The following CDC42BPA variants were observed in gnomAD, a reference collection of about 807,000 sequenced individuals.
CDC42BPA encodes CDC42 binding protein kinase alpha.
In CDC42BPA, 80 loss-of-function variants were observed where a neutral mutation model predicts 223.5. That is an observed-to-expected ratio of 0.36 (90% CI 0.30 to 0.43). The LOEUF is 0.43. CDC42BPA is among the 20% of genes least tolerant of loss of function. The pLI is 1.00. For missense variants in CDC42BPA, 1,743 were observed against 2,099.9 expected (o/e 0.83, Z 3.32); for synonymous variants, 694 against 718.6 (o/e 0.97, Z 0.55).
chr1:227,275,313 G>A (rs1157839688), intron 1 of CDC42BPA, among the ~76,000 whole-genome samples: 1 of 151,770 alleles, frequency 6.6e-6, no homozygotes, highest in Non-Finnish European at 1.5e-5. Context: ...TGCAACTAAG[G>A]TGGTATTTAG....
intron 3 of CDC42BPA, among the ~76,000 whole-genome samples, chr1:227,212,474 C>T (rs1674095909): frequency 6.6e-6 from 1 of 152,112 alleles, no homozygotes; most frequent in Non-Finnish European, 1.5e-5. Flanking sequence ...TTCCCTGAAG[C>T]CCCAGAATGC....
intron 1 of CDC42BPA, among the ~76,000 whole-genome samples, chr1:227,276,391 G>A (rs148293079): frequency 0.098 from 14,778 of 151,058 alleles, 1,148 homozygotes; most frequent in East Asian, 0.36. Context: ...CCCAGCAGCC[G>A]CCCCGTCTGG....
intron 2 of CDC42BPA, among the ~76,000 whole-genome samples, chr1:227,233,341 T>C (rs1291119398): frequency 6.6e-6 from 1 of 152,100 alleles, no homozygotes; most frequent in Non-Finnish European, 1.5e-5. Flanking sequence ...CCGGCCTCTA[T>C]TTCTTTTCTT....
At chr1:227,019,880 C>T (rs374252568) in intron 32 of CDC42BPA, among the ~76,000 whole-genome samples, 3 of 151,982 alleles carry the variant, frequency 2.0e-5, no homozygotes, top group South Asian at 2.1e-4. Context: ...AAAATACAGG[C>T]AGAGTAGAGT....
At chr1:227,203,685 T>C (rs981779901) in intron 3 of CDC42BPA, among the ~76,000 whole-genome samples, 7 of 152,220 alleles carry the variant, frequency 4.6e-5, no homozygotes, top group Non-Finnish European at 7.3e-5. Context: ...ATTCACTCAC[T>C]TTCTCAACCA....
chr1:226,994,104 G>GGA lies in CDC42BPA; in HGVS notation c.*162_*163dup. 1.7e-6 allele frequency: 1 copy of GGA among 584,352 alleles called. No homozygotes were observed. Among genetic ancestry groups the GGA allele is most frequent in the Non-Finnish European group, 3.0e-6 (1 of 334,196 alleles). The allele number at this position is 584,352 out of a possible 1,614,324, so 36.2% of individuals were successfully genotyped here. The stretch of plus-strand genomic sequence containing the variant: ...GTTGTTGCTGTTAGGCTGGGGGCGT[G>GGA]GATCTGAGAGTCGTGTCGTCAGAAC... On this transcript the variant is annotated 3_prime_UTR_variant, in exon 37 of 37. Transcript: ENST00000366766. The surrounding 1 kb of genome is among the most constrained non-coding windows in gnomAD (Gnocchi z 4.0).
intron 5 of CDC42BPA, among the ~76,000 whole-genome samples, chr1:227,176,396 G>T (rs962855709): frequency 6.6e-6 from 1 of 151,984 alleles, no homozygotes; most frequent in South Asian, 2.1e-4. Context: ...TAATCATTCT[G>T]TTTCATTTCA....
chr1:227,231,192 G>A (rs1265268096), intron 2 of CDC42BPA, among the ~76,000 whole-genome samples: 2 of 127,384 alleles, frequency 1.6e-5, no homozygotes, highest in East Asian at 4.9e-4. Flanking sequence ...GTGTCCAAGC[G>A]TTCTCGTTGT....
intron 15 of CDC42BPA, among the ~76,000 whole-genome samples, chr1:227,098,443 G>A (rs756776183): frequency 3.2e-4 from 49 of 151,924 alleles, no homozygotes; most frequent in Non-Finnish European, 6.8e-4. Flanking sequence ...CATCTCAACT[G>A]TAACTGTTTA....
At chr1:227,228,624 G>T (rs1017072284) in intron 2 of CDC42BPA, among the ~76,000 whole-genome samples, 3 of 152,044 alleles carry the variant, frequency 2.0e-5, no homozygotes, top group African/African-American at 4.8e-5. Context: ...TTACAAAGTG[G>T]TTACACTATT....
At chr1:227,172,192 A>C (rs1666216885) in intron 5 of CDC42BPA, among the ~76,000 whole-genome samples, 1 of 152,236 alleles carries the variant, frequency 6.6e-6, no homozygotes. Context: ...TCTGTCAGTC[A>C]GAAATTAGAA....
intron 1 of CDC42BPA, among the ~76,000 whole-genome samples, chr1:227,280,835 C>A (rs764389120): frequency 3.3e-5 from 5 of 152,182 alleles, no homozygotes; most frequent in African/African-American, 4.8e-5. Context: ...ATTGTTTTAG[C>A]TGAGACAGAG....
chr1:227,036,749 G>C (rs1670355257), intron 24 of CDC42BPA, among the ~76,000 whole-genome samples: 1 of 152,124 alleles, frequency 6.6e-6, no homozygotes, highest in Non-Finnish European at 1.5e-5. Flanking sequence ...GTTTTAAGTG[G>C]AGTATCTAGC....
chr1:227,062,311 T>C (rs1676082781), intron 21 of CDC42BPA, among the ~76,000 whole-genome samples: 1 of 152,242 alleles, frequency 6.6e-6, no homozygotes, highest in Non-Finnish European at 1.5e-5. Context: ...TTTATGATTT[T>C]GCTGAACATA....
intron 5 of CDC42BPA, among the ~76,000 whole-genome samples, chr1:227,173,371 G>A (rs1913342): frequency 0.84 from 128,137 of 152,152 alleles, 54,247 homozygotes; most frequent in Middle Eastern, 0.91. Flanking sequence ...CTGGAAGATG[G>A]TCGCTAGGCT....
At chr1:227,315,819 AT>A (rs1041001637) in intron 1 of CDC42BPA, among the ~76,000 whole-genome samples, 1 of 152,080 alleles carries the variant, frequency 6.6e-6, no homozygotes, top group Non-Finnish European at 1.5e-5. Context: ...ACATTTACAT[AT>A]TTTTTTAAAC....
At chr1:227,285,885 A>C (rs893140868) in intron 1 of CDC42BPA, among the ~76,000 whole-genome samples, 59 of 152,280 alleles carry the variant, frequency 3.9e-4, no homozygotes, top group African/African-American at 1.4e-3. Context: ...GCTTTTATTA[A>C]TCCAGCTGGA....
rs556460143 is a variant in CDC42BPA, at chr1:227,297,443, C to A, written c.178+19562G>T. The stretch of plus-strand genomic sequence containing the variant: ...GAAATATCACTCCTAAGCATATATG[C>A]AAAAGAGTTAAAAATAGGGACTCAA... On this transcript the variant is annotated intron_variant, in intron 1 of 36. Transcript: ENST00000366766. Among the ~76,000 whole-genome samples the A allele has an allele frequency of 5.3e-4, 81 of 152,176 alleles. 1 individual carries two copies. In the South Asian group the frequency reaches 0.016, roughly 30 times the overall value.
chr1:227,167,448 C>T (rs1180878643), intron 5 of CDC42BPA, among the ~76,000 whole-genome samples: 4 of 152,174 alleles, frequency 2.6e-5, no homozygotes, highest in Admixed American at 6.5e-5. Context: ...TGACATCTGA[C>T]ACTGCTGGTT....
Sources: gnomAD v4.1 joint callset for allele counts (sites outside exome capture counted in the v4.1 genomes callset) on GRCh38, gnomAD v4.1.1 for gene constraint, Gnocchi (gnomAD v3.1) non-coding constraint, MANE v1.5 for transcripts, NCBI Gene and HGNC (gene_info 2026-07-23, HGNC 2026-07-21) for gene names.